Variants in SORCS1 observed in about 807,000 individuals in gnomAD.
SORCS1 encodes the protein sortilin related VPS10 domain containing receptor 1.
Under a neutral mutation model 146.1 loss-of-function variants are expected in SORCS1, and 60 were observed. That is an observed-to-expected ratio of 0.41 (90% CI 0.33 to 0.51). SORCS1 has a LOEUF of 0.51. Among genes scored for constraint, SORCS1 ranks in the 20% least tolerant of loss-of-function variants. The pLI, the probability that SORCS1 is intolerant of heterozygous loss-of-function variation, is 0.21. For missense variants in SORCS1, 1,352 were observed against 1,487.6 expected (o/e 0.91, Z 1.50); for synonymous variants, 637 against 584.0 (o/e 1.09, Z -1.31).
At chr10:106,731,964 C>CG (rs2136024720) in intron 5 of SORCS1, among the ~76,000 whole-genome samples, 1 of 152,124 alleles carries the variant, frequency 6.6e-6, no homozygotes, top group East Asian at 1.9e-4. Flanking sequence ...TAAAGGTCTG[C>CG]GGGTTTTCTG....
intron 2 of SORCS1, among the ~76,000 whole-genome samples, chr10:106,863,009 T>C (rs553266987): frequency 1.3e-5 from 2 of 152,238 alleles, no homozygotes; most frequent in East Asian, 3.9e-4. Flanking sequence ...GTCTATCCAT[T>C]TTAGAATTAG....
chr10:107,034,845 T>C (rs1958827051), intron 1 of SORCS1, among the ~76,000 whole-genome samples: 2 of 151,984 alleles, frequency 1.3e-5, no homozygotes, highest in Non-Finnish European at 2.9e-5. Flanking sequence ...TTTACAATTT[T>C]TCCCCATAAA....
chr10:107,173,027 C>A, the SORCS1 span, among the ~76,000 whole-genome samples: 1 of 152,114 alleles, frequency 6.6e-6, no homozygotes, highest in Non-Finnish European at 1.5e-5. Flanking sequence ...TTTTTACACA[C>A]AAATACAACC....
intron 1 of SORCS1, among the ~76,000 whole-genome samples, chr10:107,009,006 T>A (rs981456621): frequency 2.2e-4 from 34 of 152,160 alleles, no homozygotes; most frequent in Admixed American, 1.8e-3. Flanking sequence ...AAAACAAAAC[T>A]AAACAAAACA....
chr10:106,968,926 G>C (rs1955637545), intron 1 of SORCS1, among the ~76,000 whole-genome samples: 1 of 152,144 alleles, frequency 6.6e-6, no homozygotes, highest in Non-Finnish European at 1.5e-5. Context: ...AGAAATTATA[G>C]TCAATCAACA....
At chr10:106,677,776 T>C (rs1378075703) in intron 12 of SORCS1, among the ~76,000 whole-genome samples, 3 of 152,192 alleles carry the variant, frequency 2.0e-5, no homozygotes, top group African/African-American at 7.2e-5. Context: ...TTTACTCCAA[T>C]AGTCTCATTT....
intron 1 of SORCS1, among the ~76,000 whole-genome samples, chr10:106,995,079 G>A (rs539760806): frequency 9.9e-5 from 15 of 152,108 alleles, no homozygotes; most frequent in East Asian, 3.9e-4. Context: ...TTGGGAGGCC[G>A]AGGCAGGTGG....
At chr10:106,584,204 G>T (rs1274913394) in intron 24 of SORCS1, among the ~76,000 whole-genome samples, 2 of 152,198 alleles carry the variant, frequency 1.3e-5, no homozygotes, top group African/African-American at 4.8e-5. Context: ...CCAGAATGCA[G>T]AATAGGCAGA....
intron 1 of SORCS1, among the ~76,000 whole-genome samples, chr10:107,122,869 T>C (rs762679204): frequency 3.3e-5 from 5 of 151,124 alleles, no homozygotes; most frequent in Admixed American, 6.6e-5. Context: ...ATGCTCAGAG[T>C]TGTTGATGTC....
rs1476320488 is a variant in SORCS1, at chr10:106,943,635, A to G, written c.626+12878T>C. On this transcript the variant is annotated intron_variant, in intron 2 of 25. Transcript: ENST00000263054. ...ATCCCGGCTAACACTGTGAAACCCCATCTCTACTAAAAATACAAAAAAAAA... is the reference window on the plus strand; with the variant it reads ...ATCCCGGCTAACACTGTGAAACCCCGTCTCTACTAAAAATACAAAAAAAAA... Among the ~76,000 whole-genome samples, 7 of 145,592 alleles carry G rather than the reference A, an allele frequency of 4.8e-5. No individual in the cohort carries two copies. The East Asian group carries it at 1.4e-3, about 29-fold the overall frequency.
chr10:106,847,721 T>C (rs1267283197), intron 2 of SORCS1, among the ~76,000 whole-genome samples: 1 of 104,158 alleles, frequency 9.6e-6, no homozygotes, highest in Admixed American at 1.0e-4. Flanking sequence ...TGTGGGCATT[T>C]AGTGCTATAA....
At chr10:106,988,333 C>T (rs1956583525) in intron 1 of SORCS1, among the ~76,000 whole-genome samples, 1 of 152,176 alleles carries the variant, frequency 6.6e-6, no homozygotes, top group Admixed American at 6.5e-5. Context: ...ATTCATATAT[C>T]AGCTGATAAG....
Position 107,164,029 on chromosome 10 carries a change from C to T in SORCS1, c.498G>A (p.Ala166=), listed in dbSNP as rs752752763. ...GGTTGTGTGCTGAGTCTCCCGTCAGCGCAAACGTGGTGCTGGTCAGTCTCA... is the reference window on the plus strand; with the variant it reads ...GGTTGTGTGCTGAGTCTCCCGTCAGTGCAAACGTGGTGCTGGTCAGTCTCA... ...EELRLTSTTF[A]LTGDSAHNQA... is the part of the protein sequence containing the mutation. Residue 166 remains alanine (A), a synonymous_variant, in exon 1 of 26, where the codon GCG becomes GCA. Coordinates refer to ENST00000263054, the MANE Select transcript of SORCS1 (RefSeq NM_052918.5). The surrounding 1 kb of genome is among the most constrained non-coding windows in gnomAD (Gnocchi z 6.8). The T allele has an allele frequency of 1.9e-6, 3 of 1,613,970 alleles. No homozygotes were observed. The highest frequency in any genetic ancestry group is 1.3e-5 in the African/African-American group (1 of 74,910).
At chr10:106,948,310 G>GT (rs746365997) in intron 2 of SORCS1, among the ~76,000 whole-genome samples, 7 of 151,500 alleles carry the variant, frequency 4.6e-5, no homozygotes, top group South Asian at 2.1e-4. Context: ...ATGTATCTGT[G>GT]TTTTTTCTGG....
At chr10:106,833,452 C>T (rs1222141733) in intron 2 of SORCS1, among the ~76,000 whole-genome samples, 1 of 152,142 alleles carries the variant, frequency 6.6e-6, no homozygotes, top group African/African-American at 2.4e-5. Context: ...AATCAGCCGG[C>T]GTACATTGGT....
rs377202317 is a variant in SORCS1, at chr10:106,612,006, G to A, written c.2938C>T (p.Arg980Cys). Residue 980 changes from arginine (R) to cysteine (C), a missense_variant, in exon 22 of 26, where the codon CGC becomes TGC. Physicochemically the swap from Arg to Cys is radical, Grantham distance 180 (BLOSUM62 -3). Around this residue, in one of 3 missense-constraint regions of SORCS1, gnomAD observed 648 missense variants for 793.8 expected, o/e 0.82. Transcript: ENST00000263054. ...IAVYEEFRSL[R>C]LSFSPNLDDY... ...TCCAGGTTTGGAGAAAAGGACAAGCGAAGAGACCGGAATTCCTCTGGGGAT... is the reference window on the plus strand; with the variant it reads ...TCCAGGTTTGGAGAAAAGGACAAGCAAAGAGACCGGAATTCCTCTGGGGAT... The A allele has an allele frequency of 1.7e-5, 27 of 1,613,944 alleles. No homozygotes were observed. The highest frequency in any genetic ancestry group is 1.7e-4 in the Middle Eastern group (1 of 6,058).
chr10:106,911,976 T>A (rs372131739), intron 2 of SORCS1, among the ~76,000 whole-genome samples: 2 of 151,690 alleles, frequency 1.3e-5, no homozygotes, highest in African/African-American at 4.8e-5. Flanking sequence ...AGCCGGGTGT[T>A]GTGGCGGGCA....
At chr10:106,850,447 C>A (rs1157765157) in intron 2 of SORCS1, among the ~76,000 whole-genome samples, 1 of 152,158 alleles carries the variant, frequency 6.6e-6, no homozygotes, top group East Asian at 1.9e-4. Flanking sequence ...CTTCGGCTCG[C>A]ACACGGTGCG....
intron 2 of SORCS1, among the ~76,000 whole-genome samples, chr10:106,878,132 A>G (rs1315762951): frequency 1.3e-5 from 2 of 151,444 alleles, no homozygotes; most frequent in South Asian, 2.1e-4. Context: ...GCAAGGTAGT[A>G]AATTTTTATG....
Sources: gnomAD v4.1 joint callset for allele counts (sites outside exome capture counted in the v4.1 genomes callset) on GRCh38, gnomAD v4.1.1 for gene constraint, gnomAD v4.1.1 regional missense constraint, Gnocchi (gnomAD v3.1) non-coding constraint, MANE v1.5 for transcripts, NCBI Gene and HGNC (gene_info 2026-07-23, HGNC 2026-07-21) for gene names.